CCDC15: variants seen among roughly 807,000 people sequenced by gnomAD.
CCDC15 encodes coiled-coil domain containing 15.
In CCDC15, 105 loss-of-function variants were observed where a neutral mutation model predicts 114.5. The ratio of observed to expected loss-of-function variants is 0.92; its 90% CI spans 0.78 to 1.08. The LOEUF is 1.08. CCDC15 is among the 50% of genes least tolerant of loss of function. The pLI is 0.00. For synonymous variants in CCDC15, 334 were observed against 377.8 expected (o/e 0.88, Z 1.34); for missense variants, 1,105 against 1,093.6 (o/e 1.01, Z -0.15).
Position 125,027,117 on chromosome 11 carries a change from G to A in CCDC15, c.2412-11314G>A, listed in dbSNP as rs1055896349. Among the ~76,000 whole-genome samples, 4 of 151,858 alleles carry A rather than the reference G, an allele frequency of 2.6e-5. No individual in the cohort carries two copies. The East Asian group carries it at 5.8e-4, about 22-fold the overall frequency. ...ATTCCATGGTGTATATATACACCAC[G>A]TTTTCTTTATCCACTCATTGGTTGA... On this transcript the variant is annotated intron_variant, in intron 13 of 15. Coordinates refer to ENST00000344762, the MANE Select transcript of CCDC15 (RefSeq NM_025004.3).
rs546410320 is a variant in CCDC15 at position 125,012,224 on chromosome 11, C to T, written c.2411+7012C>T. Among the ~76,000 whole-genome samples the T allele has an allele frequency of 1.2e-4, 18 of 152,228 alleles. 1 individual carries two copies. The East Asian group carries it at 1.5e-3, about 13-fold the overall frequency. On this transcript the variant is annotated intron_variant, in intron 13 of 15. Coordinates refer to ENST00000344762, the MANE Select transcript of CCDC15 (RefSeq NM_025004.3). Reference sequence around the variant, plus strand: ...GGCAGTCATAGGCTTCAGGTGCCTTCGCCTAGTTGCTTAGTCTCTGAGGAC... The same window carrying T: ...GGCAGTCATAGGCTTCAGGTGCCTTTGCCTAGTTGCTTAGTCTCTGAGGAC...
At chr11:125,007,837 G>A (rs1341329096) in intron 13 of CCDC15, among the ~76,000 whole-genome samples, 1 of 152,212 alleles carries the variant, frequency 6.6e-6, no homozygotes, top group Non-Finnish European at 1.5e-5. Flanking sequence ...GCACCCGGAT[G>A]ACAAGCATGA....
chr11:125,033,838 C>CT (rs1948757538), intron 13 of CCDC15, among the ~76,000 whole-genome samples: 1 of 152,194 alleles, frequency 6.6e-6, no homozygotes, highest in Non-Finnish European at 1.5e-5. Context: ...TTCACCTGAT[C>CT]AAACTCTATG....
At chr11:125,019,032 A>G (rs765739041) in intron 13 of CCDC15, among the ~76,000 whole-genome samples, 2 of 152,014 alleles carry the variant, frequency 1.3e-5, no homozygotes, top group African/African-American at 2.4e-5. Context: ...GCAATAGGTG[A>G]GCCTTAAGAA....
At chr11:124,979,313 A>G (rs570552981) in intron 6 of CCDC15, among the ~76,000 whole-genome samples, 3 of 151,156 alleles carry the variant, frequency 2.0e-5, no homozygotes, top group African/African-American at 7.2e-5. Context: ...AATAGTTTCT[A>G]TGAAGAATGT....
At chr11:125,030,187 G>GT (rs1948728535) in intron 13 of CCDC15, among the ~76,000 whole-genome samples, 1 of 152,178 alleles carries the variant, frequency 6.6e-6, no homozygotes. Context: ...TCCTGGACTT[G>GT]TGAATCCTGG....
At chr11:125,031,901 G>T (rs1037720736) in intron 13 of CCDC15, among the ~76,000 whole-genome samples, 1 of 152,150 alleles carries the variant, frequency 6.6e-6, no homozygotes, top group East Asian at 1.9e-4. Flanking sequence ...GGAATGTGTC[G>T]ACAACAAAAT....
rs986351038 is a variant in CCDC15 at position 124,972,331 on chromosome 11, T to C, written c.517-2765T>C. On this transcript the variant is annotated intron_variant, in intron 4 of 15. Coordinates refer to ENST00000344762, the MANE Select transcript of CCDC15 (RefSeq NM_025004.3). ...TTTACACACATACAACACATGCACA[T>C]ATGCATATGTACATTTAAACATATA... Among the ~76,000 whole-genome samples the C allele has an allele frequency of 2.6e-5, 4 of 152,148 alleles. No individual in the cohort carries two copies. In the East Asian group the frequency reaches 7.7e-4, roughly 29 times the overall value.
chr11:125,012,799 T>C (rs921336034), intron 13 of CCDC15, among the ~76,000 whole-genome samples: 3 of 152,306 alleles, frequency 2.0e-5, no homozygotes, highest in African/African-American at 7.2e-5. Flanking sequence ...CAAACATTTA[T>C]TGAAAACTTA....
intron 13 of CCDC15, among the ~76,000 whole-genome samples, chr11:125,012,158 A>G (rs1309718337): frequency 1.3e-5 from 2 of 152,202 alleles, no homozygotes; most frequent in Non-Finnish European, 2.9e-5. Context: ...GTTTGAGTAA[A>G]GAATTCCAGG....
chr11:124,967,363 C>G (rs1947802663), intron 4 of CCDC15, among the ~76,000 whole-genome samples: 1 of 152,140 alleles, frequency 6.6e-6, no homozygotes, highest in Non-Finnish European at 1.5e-5. Flanking sequence ...CTAAACTTCT[C>G]ACTTCATTTC....
intron 4 of CCDC15, among the ~76,000 whole-genome samples, chr11:124,962,868 C>A (rs1468269505): frequency 6.6e-6 from 1 of 152,146 alleles, no homozygotes. Context: ...TCTCATTGTT[C>A]AATTCCGACC....
intron 11 of CCDC15, among the ~76,000 whole-genome samples, chr11:124,999,272 A>G (rs914141680): frequency 3.9e-5 from 6 of 152,174 alleles, no homozygotes; most frequent in Admixed American, 6.5e-5. Flanking sequence ...CATCTCAGGT[A>G]TGATGAACAT....
intron 4 of CCDC15, among the ~76,000 whole-genome samples, chr11:124,962,803 C>T (rs1172826845): frequency 6.6e-6 from 1 of 152,188 alleles, no homozygotes; most frequent in Non-Finnish European, 1.5e-5. Context: ...CCCCGCTTCC[C>T]ACCATGCCAC....
At chr11:124,973,557 T>TA (rs571800268) in intron 4 of CCDC15, among the ~76,000 whole-genome samples, 19 of 151,974 alleles carry the variant, frequency 1.3e-4, no homozygotes, top group Non-Finnish European at 2.5e-4. Context: ...TGATGTGCTG[T>TA]AAAAAAATCT....
At position 124,971,198 on chromosome 11, in the gene CCDC15, T is replaced by G. The variant is rs145147135; in HGVS notation, c.517-3898T>G. Among the ~76,000 whole-genome samples the G allele has an allele frequency of 1.8e-3, 271 of 152,276 alleles. 1 individual carries two copies. The highest frequency in any genetic ancestry group is 6.0e-3 in the African/African-American group (250 of 41,544). On this transcript the variant is annotated intron_variant, in intron 4 of 15. Transcript: ENST00000344762. ...CAAAGTTTTGTTGGCAATGGTTTGT[T>G]AGTTAGGAAAACTAACAAACAGAAA...
chr11:125,035,984 C>G (rs1948772197), intron 13 of CCDC15, among the ~76,000 whole-genome samples: 1 of 151,152 alleles, frequency 6.6e-6, no homozygotes, highest in Non-Finnish European at 1.5e-5. Flanking sequence ...ATCTTTTAGT[C>G]TTCCCACTCA....
Position 125,005,185 on chromosome 11 carries a change from A to G in CCDC15, c.2384A>G (p.Gln795Arg). 2.6e-6 allele frequency: 4 copies of G among 1,546,758 alleles called. No homozygotes were observed. Among genetic ancestry groups the G allele is most frequent in the South Asian group, 1.2e-5 (1 of 84,424 alleles). ...EREQVKEQQR[Q>R]KEQKKKIEKI... ...GAACAAGTTAAAGAACAACAAAGGC[A>G]AAAAGAACAAAAGAAGAAAATTGAA... Residue 795 changes from glutamine to arginine, a missense_variant, in exon 13 of 16, where the codon CAA (glutamine) becomes CGA (arginine). Transcript: ENST00000344762.
At position 124,992,618 on chromosome 11, in the gene CCDC15, A is replaced by T; in HGVS notation, c.2070A>T (p.Glu690Asp). 1 of 1,598,894 alleles carries T rather than the reference A, an allele frequency of 6.3e-7. No individual in the cohort carries two copies. The highest frequency in any genetic ancestry group is 8.5e-7 in the Non-Finnish European group (1 of 1,171,748). Residue 690 changes from glutamate to aspartate, a missense_variant, in exon 10 of 16, where the codon GAA becomes GAT. Transcript: ENST00000344762. Reference protein sequence around the residue: ...ASFMREERVREELPLDYHQYV... With the variant: ...ASFMREERVRDELPLDYHQYV... ...TTATGAGAGAAGAAAGAGTGAGAGA[A>T]GAATTGCCTCTGGACTATCATCAAT...
Sources: allele counts gnomAD v4.1 joint callset (sites outside exome capture counted in the v4.1 genomes callset), GRCh38; gene constraint gnomAD v4.1.1; transcripts MANE v1.5; gene names NCBI Gene and HGNC (gene_info 2026-07-23, HGNC 2026-07-21).